The following SAMMSON variants were observed in gnomAD, a reference collection of about 807,000 sequenced individuals.
SAMMSON encodes the protein long intergenic non-protein coding RNA 1212.
chr3:70,307,870 A>C (rs1702417200), intron 7 of SAMMSON, among the ~76,000 whole-genome samples: 1 of 152,170 alleles, frequency 6.6e-6, no homozygotes, highest in African/African-American at 2.4e-5. Context: ...GTATATGAAT[A>C]ATCAGCCAAT....
intron 4 of SAMMSON, among the ~76,000 whole-genome samples, chr3:70,150,577 T>C (rs540504475): frequency 6.6e-6 from 1 of 152,154 alleles, no homozygotes; most frequent in South Asian, 2.1e-4. Flanking sequence ...CCAAATACCA[T>C]ATGTTTAAAT....
At chr3:70,179,392 C>T (rs1043846374) in intron 4 of SAMMSON, among the ~76,000 whole-genome samples, 4 of 152,170 alleles carry the variant, frequency 2.6e-5, no homozygotes, top group Non-Finnish European at 5.9e-5. Flanking sequence ...CAGAATCCTA[C>T]GTGGGACTGC....
rs556252310 is a variant in SAMMSON, at chr3:70,027,176, T to A, written n.417+13504T>A. 5.3e-5 allele frequency among the ~76,000 whole-genome samples: 8 copies of A among 152,316 alleles called. No homozygotes were observed. In the South Asian group the frequency reaches 1.7e-3, roughly 32 times the overall value. ...TTTATTTCGGTAGTTAGCTAAAATA[T>A]TTGTGTCCTATTTAGACAAAGTAAT... On this transcript the variant is annotated intron_variant and non_coding_transcript_variant, in intron 3 of 9. Coordinates refer to ENST00000642114, the Ensembl canonical transcript of SAMMSON.
intron 4 of SAMMSON, chr3:70,072,417 C>T (rs1334496391): frequency 6.6e-6 from 1 of 151,632 alleles, no homozygotes; most frequent in Non-Finnish European, 1.5e-5. Flanking sequence ...TTCCAAAGCC[C>T]TACTCTTCAA....
chr3:70,332,975 T>C (rs1702632561), intron 7 of SAMMSON: 1 of 152,202 alleles, frequency 6.6e-6, no homozygotes, highest in South Asian at 2.1e-4. Context: ...TTTACCAATA[T>C]TGTTATCTTT....
At chr3:70,220,819 G>A (rs1305482955) in intron 4 of SAMMSON, among the ~76,000 whole-genome samples, 1 of 152,134 alleles carries the variant, frequency 6.6e-6, no homozygotes, top group Non-Finnish European at 1.5e-5. Flanking sequence ...ACAAAAGAAG[G>A]TCATTTCCTT....
chr3:70,292,769 A>G (rs1362306895), intron 7 of SAMMSON, among the ~76,000 whole-genome samples: 1 of 152,076 alleles, frequency 6.6e-6, no homozygotes, highest in East Asian at 1.9e-4. Context: ...CAGATAAAGA[A>G]AAGAATTATT....
At chr3:70,246,219 T>G (rs1415814919) in intron 4 of SAMMSON, among the ~76,000 whole-genome samples, 2 of 152,088 alleles carry the variant, frequency 1.3e-5, no homozygotes, top group Non-Finnish European at 2.9e-5. Context: ...TTTTAATTTT[T>G]GATATTTTTA....
intron 3 of SAMMSON, among the ~76,000 whole-genome samples, chr3:70,029,228 A>G (rs2067054980): frequency 7.4e-6 from 1 of 135,942 alleles, no homozygotes; most frequent in East Asian, 2.3e-4. Context: ...TTTCAGCCAG[A>G]CACATACATA....
chr3:70,406,528 C>G (rs1292284844), intron 2 of SAMMSON, among the ~76,000 whole-genome samples: 1 of 151,878 alleles, frequency 6.6e-6, no homozygotes, highest in Non-Finnish European at 1.5e-5. Context: ...AAATAGCAAC[C>G]ATATATTAGG....
At chr3:70,377,105 A>G (rs1703023947) in intron 9 of SAMMSON, among the ~76,000 whole-genome samples, 1 of 152,150 alleles carries the variant, frequency 6.6e-6, no homozygotes, top group Non-Finnish European at 1.5e-5. Flanking sequence ...AATTAGAAGT[A>G]TAAAAGTTCT....
chr3:70,200,507 G>A (rs1298789556), intron 4 of SAMMSON, among the ~76,000 whole-genome samples: 1 of 152,074 alleles, frequency 6.6e-6, no homozygotes, highest in Non-Finnish European at 1.5e-5. Context: ...ACACCCTCCT[G>A]CCCCTCAACT....
At chr3:70,411,587 T>C (rs1701219632) in intron 2 of SAMMSON, among the ~76,000 whole-genome samples, 1 of 152,208 alleles carries the variant, frequency 6.6e-6, no homozygotes, top group Non-Finnish European at 1.5e-5. Context: ...GTAGCTCCCA[T>C]GATCCCTATG....
chr3:70,232,331 C>T (rs1025247380), intron 4 of SAMMSON, among the ~76,000 whole-genome samples: 1 of 152,092 alleles, frequency 6.6e-6, no homozygotes, highest in Non-Finnish European at 1.5e-5. Flanking sequence ...TCCTCATGAT[C>T]AGTGCACATG....
At chr3:70,187,703 T>C (rs1309569885) in intron 4 of SAMMSON, among the ~76,000 whole-genome samples, 1 of 151,912 alleles carries the variant, frequency 6.6e-6, no homozygotes, top group African/African-American at 2.4e-5. Context: ...CCCAAAGTGC[T>C]GGGATTACAG....
chr3:70,277,609 T>G (rs959950718), intron 6 of SAMMSON, among the ~76,000 whole-genome samples: 1 of 152,222 alleles, frequency 6.6e-6, no homozygotes, highest in Non-Finnish European at 1.5e-5. Flanking sequence ...GTGTCATACT[T>G]CAAAACTGCT....
chr3:70,147,072 C>T (rs1388448885), intron 4 of SAMMSON, among the ~76,000 whole-genome samples: 2 of 152,004 alleles, frequency 1.3e-5, no homozygotes, highest in Non-Finnish European at 2.9e-5. Flanking sequence ...TTTATGATAG[C>T]TGCTGCAAAA....
intron 4 of SAMMSON, chr3:70,075,277 G>T (rs140361443): frequency 2.7e-4 from 41 of 152,222 alleles, no homozygotes; most frequent in African/African-American, 9.6e-4. Flanking sequence ...CGGCATGTAG[G>T]TGTAGTCTGT....
intron 4 of SAMMSON, among the ~76,000 whole-genome samples, chr3:70,113,442 G>A (rs1003025903): frequency 1.3e-5 from 2 of 152,098 alleles, no homozygotes; most frequent in Admixed American, 1.3e-4. Flanking sequence ...ATTTACAAAG[G>A]CAAAATTAGA....
Sources: allele counts gnomAD v4.1 joint callset (sites outside exome capture counted in the v4.1 genomes callset), GRCh38; gene constraint gnomAD v4.1.1; transcripts MANE v1.5; gene names NCBI Gene and HGNC (gene_info 2026-07-23, HGNC 2026-07-21).